Variants in ADAM10 observed in about 807,000 individuals in gnomAD.
ADAM10 encodes ADAM metallopeptidase domain 10, also known as disintegrin and metalloproteinase domain-containing protein 10.
In ADAM10, 17 loss-of-function variants were observed where a neutral mutation model predicts 90.1. That is an observed-to-expected ratio of 0.19 (90% confidence interval 0.13 to 0.28). The LOEUF is 0.28. Ranked by LOEUF, ADAM10 falls within the 10% of genes least tolerant of loss-of-function variation. The pLI, the probability that ADAM10 is intolerant of heterozygous loss-of-function variation, is 1.00. For synonymous variants in ADAM10, 310 were observed against 298.6 expected (o/e 1.04, Z -0.40); for missense variants, 610 against 914.3 (o/e 0.67, Z 4.29).
intron 2 of ADAM10, among the ~76,000 whole-genome samples, chr15:58,710,020 C>CGA (rs1239239335): frequency 6.6e-6 from 1 of 152,112 alleles, no homozygotes; most frequent in Non-Finnish European, 1.5e-5. Context: ...CAGTGGCTCA[C>CGA]GCCTGTAATC....
chr15:58,665,640 T>C (rs1404290227), intron 4 of ADAM10, among the ~76,000 whole-genome samples: 1 of 152,010 alleles, frequency 6.6e-6, no homozygotes, highest in Non-Finnish European at 1.5e-5. Context: ...CTTGGGAAGA[T>C]ACTCCCCACC....
chr15:58,668,592 A>C (rs990735015), intron 4 of ADAM10, among the ~76,000 whole-genome samples: 8 of 150,542 alleles, frequency 5.3e-5, no homozygotes, highest in Non-Finnish European at 1.2e-4. Flanking sequence ...GTCAAATTCC[A>C]CCTCCCCAGG....
At chr15:58,707,628 C>T (rs1898346111) in intron 2 of ADAM10, among the ~76,000 whole-genome samples, 1 of 152,164 alleles carries the variant, frequency 6.6e-6, no homozygotes. Context: ...AAGAACCTGT[C>T]ATGATGGCAT....
At chr15:58,622,509 T>G (rs1472476049) in intron 10 of ADAM10, among the ~76,000 whole-genome samples, 1 of 152,232 alleles carries the variant, frequency 6.6e-6, no homozygotes, top group African/African-American at 2.4e-5. Context: ...GTCTATGAAA[T>G]GTCCCACATT....
At chr15:58,660,997 C>A (rs1260804214) in intron 5 of ADAM10, among the ~76,000 whole-genome samples, 1 of 152,240 alleles carries the variant, frequency 6.6e-6, no homozygotes, top group African/African-American at 2.4e-5. Flanking sequence ...CTGACCCCGG[C>A]TCTACGGTTT....
chr15:58,619,026 A>G (rs1895701643), intron 11 of ADAM10, among the ~76,000 whole-genome samples: 1 of 152,186 alleles, frequency 6.6e-6, no homozygotes, highest in South Asian at 2.1e-4. Context: ...GGAAGTCAGT[A>G]TATAAAAGGG....
chr15:58,608,213 G>A (rs1311276249), intron 14 of ADAM10, among the ~76,000 whole-genome samples: 3 of 152,182 alleles, frequency 2.0e-5, no homozygotes, highest in East Asian at 1.9e-4. Flanking sequence ...CCTGCATGAG[G>A]AGAAAAGCTG....
intron 5 of ADAM10, among the ~76,000 whole-genome samples, chr15:58,657,484 T>C (rs1318322401): frequency 1.3e-5 from 2 of 152,236 alleles, no homozygotes; most frequent in African/African-American, 4.8e-5. Flanking sequence ...GAGACTCTGA[T>C]GCACTCTTCA....
intron 11 of ADAM10, among the ~76,000 whole-genome samples, chr15:58,615,104 C>G (rs1481363185): frequency 6.6e-6 from 1 of 151,986 alleles, no homozygotes; most frequent in Non-Finnish European, 1.5e-5. Context: ...GAAACCCCAT[C>G]TCTACTAAAA....
rs537983134 is a variant in ADAM10, at chr15:58,606,169, A to G, written c.2025+4128T>C. Among the ~76,000 whole-genome samples the G allele has an allele frequency of 9.8e-5, 15 of 152,296 alleles. 1 individual carries two copies. On this transcript the variant is annotated intron_variant, in intron 14 of 15. Transcript: ENST00000260408. ...GTGGGGCCCAGAGCTCCTTGCCATGATACTGATTATGTCATCCCTATAGGG... is the reference window on the plus strand; with the variant it reads ...GTGGGGCCCAGAGCTCCTTGCCATGGTACTGATTATGTCATCCCTATAGGG...
At chr15:58,674,837 T>C (rs1368174474) in intron 4 of ADAM10, among the ~76,000 whole-genome samples, 6 of 152,066 alleles carry the variant, frequency 3.9e-5, no homozygotes, top group Non-Finnish European at 7.4e-5. Context: ...AAAGAAGAAA[T>C]AAGTATAGGT....
intron 2 of ADAM10, among the ~76,000 whole-genome samples, chr15:58,694,111 A>G (rs1486510770): frequency 1.3e-5 from 2 of 152,232 alleles, no homozygotes; most frequent in Admixed American, 1.3e-4. Context: ...GAAAATGACA[A>G]CATCACTTTG....
chr15:58,685,578 ATATATG>A (rs1203998895), intron 2 of ADAM10, among the ~76,000 whole-genome samples: 2 of 139,640 alleles, frequency 1.4e-5, no homozygotes, highest in Admixed American at 7.2e-5. Context: ...ATATATATAT[ATATATG>A]TATATATACA....
At chr15:58,676,594 A>G (rs888558833) in intron 4 of ADAM10, among the ~76,000 whole-genome samples, 3 of 152,286 alleles carry the variant, frequency 2.0e-5, no homozygotes, top group Admixed American at 1.3e-4. Flanking sequence ...CAAAAGAATG[A>G]TATTTTATGT....
At chr15:58,682,044 C>T (rs1287156392) in intron 3 of ADAM10, 152 bp downstream of exon 3, 1 of 1,061,022 alleles carries the variant, frequency 9.4e-7, no homozygotes. Flanking sequence ...CCAAACATTA[C>T]TTCATTTCTC....
rs1179312343 is a variant in ADAM10, at chr15:58,717,804, T to C, written c.56-77A>G. 5.2e-6 allele frequency: 8 copies of C among 1,547,106 alleles called. No individual in the cohort carries two copies. The African/African-American group carries it at 1.1e-4, about 21-fold the overall frequency. On this transcript the variant is annotated intron_variant, in intron 1 of 15. Coordinates refer to ENST00000260408, the MANE Select transcript of ADAM10 (RefSeq NM_001110.4). ...TAGTTCTAACACGATTATTCAAGTA[T>C]CTATGAATATGTATGAAACAACTTC...
chr15:58,644,059 A>C, intron 6 of ADAM10, 81 bp from the exon 7 acceptor site: 1 of 1,019,890 alleles, frequency 9.8e-7, no homozygotes, highest in African/African-American at 1.6e-5. Context: ...CAAAATCAGT[A>C]ATTATTCATG....
chr15:58,723,763 C>G (rs1898938635), intron 1 of ADAM10, among the ~76,000 whole-genome samples: 1 of 151,680 alleles, frequency 6.6e-6, no homozygotes, highest in South Asian at 2.1e-4. Context: ...AAAAGAATAA[C>G]TGGGTAGAGA....
chr15:58,731,611 G>C (rs1185669606), intron 1 of ADAM10, among the ~76,000 whole-genome samples: 2 of 152,112 alleles, frequency 1.3e-5, no homozygotes, highest in Non-Finnish European at 2.9e-5. Context: ...CTGAGTGAGA[G>C]AGTGAGACCC....
Sources: gnomAD v4.1 joint callset for allele counts (sites outside exome capture counted in the v4.1 genomes callset) on GRCh38, gnomAD v4.1.1 for gene constraint, MANE v1.5 for transcripts, NCBI Gene and HGNC (gene_info 2026-07-23, HGNC 2026-07-21) for gene names.